The following POP1 variants were observed in gnomAD, a reference collection of about 807,000 sequenced individuals.
The protein encoded by POP1 is POP1 ribonuclease P/MRP subunit.
In POP1, 75 loss-of-function variants were observed where a neutral mutation model predicts 102.2. The ratio of observed to expected loss-of-function variants is 0.73; its 90% CI spans 0.61 to 0.89. POP1 has a LOEUF of 0.89. Ranked by LOEUF, POP1 falls within the 40% of genes least tolerant of loss-of-function variation. POP1 has a pLI of 0.00. For synonymous variants in POP1, 436 were observed against 464.1 expected, an observed-to-expected ratio of 0.94 and a Z score of 0.78; for missense variants, 1,116 against 1,267.4, an observed-to-expected ratio of 0.88 and a Z score of 1.81.
intron 2 of POP1, among the ~76,000 whole-genome samples, chr8:98,123,680 G>A (rs536687569): frequency 1.1e-4 from 16 of 152,132 alleles, no homozygotes; most frequent in Middle Eastern, 3.4e-3. Flanking sequence ...GGGAGGCTGA[G>A]GCAGGAGAAT....
chr8:98,127,361 T>C (rs1428461148), intron 2 of POP1, among the ~76,000 whole-genome samples: 2 of 152,212 alleles, frequency 1.3e-5, no homozygotes, highest in Non-Finnish European at 2.9e-5. Flanking sequence ...AGGTCCTTTA[T>C]ATGTCATCCT....
At chr8:98,128,690 G>C (rs1816286887) in intron 4 of POP1, 150 bp downstream of exon 4, 2 of 905,894 alleles carry the variant, frequency 2.2e-6, no homozygotes, top group Non-Finnish European at 3.4e-6. Context: ...AGGCTGAGGT[G>C]GTCAGATTGC....
intron 9 of POP1, among the ~76,000 whole-genome samples, chr8:98,137,629 A>G (rs1282510202): frequency 1.3e-5 from 2 of 152,180 alleles, no homozygotes; most frequent in Admixed American, 6.5e-5. Context: ...ATCTCTAAAA[A>G]GGTTAAGAGC....
Position 98,123,472 on chromosome 8 carries a change from A to G in POP1, c.135A>G (p.Gln45=), listed in dbSNP as rs747935494. ...HSGGEKPFQA[Q]KQEPHPGTSR... is the part of the protein sequence containing the mutation. Reference sequence around the variant, plus strand: ...GAGGTGAAAAACCTTTCCAAGCTCAAAAACAAGGTAAAATACACATAAGAG... The same window carrying G: ...GAGGTGAAAAACCTTTCCAAGCTCAGAAACAAGGTAAAATACACATAAGAG... The change falls in exon 2 of 16, where the codon CAA becomes CAG. Residue 45 remains glutamine (Q), a synonymous_variant. Coordinates refer to ENST00000401707, the MANE Select transcript of POP1 (RefSeq NM_001145860.2). The G allele has an allele frequency of 1.2e-6, 2 of 1,613,622 alleles. No homozygotes were observed. The highest frequency in any genetic ancestry group is 4.5e-5 in the East Asian group (2 of 44,862).
intron 7 of POP1, 44 bp from the exon 8 acceptor site, chr8:98,136,432 ATATATT>A: frequency 4.5e-6 from 7 of 1,539,058 alleles, no homozygotes; most frequent in Non-Finnish European, 6.1e-6. Flanking sequence ...ATTTGTCGTA[ATATATT>A]TAAATTTCAA....
At chr8:98,125,073 C>G (rs1422501729) in intron 2 of POP1, among the ~76,000 whole-genome samples, 1 of 152,068 alleles carries the variant, frequency 6.6e-6, no homozygotes, top group African/African-American at 2.4e-5. Flanking sequence ...TCATTTAAAC[C>G]TCACAATGTT....
In POP1 at chr8:98,159,247, G is replaced by A. The variant is rs913772738; in HGVS notation, c.*976G>A. Reference sequence around the variant, plus strand: ...TTACAAGGAGCCCTTTGTAGGACCAGTGTTCTTAGTAGCGCGCTTTGGGCA... The same window carrying A: ...TTACAAGGAGCCCTTTGTAGGACCAATGTTCTTAGTAGCGCGCTTTGGGCA... On this transcript the variant is annotated 3_prime_UTR_variant, in exon 16 of 16. Coordinates refer to ENST00000401707, the MANE Select transcript of POP1 (RefSeq NM_001145860.2). 1.3e-5 allele frequency: 2 copies of A among 152,182 alleles called. No individual in the cohort carries two copies. The highest frequency in any genetic ancestry group is 4.8e-5 in the African/African-American group (2 of 41,446). The allele number at this position is 152,182 out of a possible 1,614,324, so 9.4% of individuals were successfully genotyped here. A position where few individuals can be genotyped will look rare whatever the true frequency, so the allele number is the denominator to read the frequency against.
In POP1 at chr8:98,140,862, C is replaced by A. The variant is rs772705947; in HGVS notation, c.1568C>A (p.Ala523Asp). 1 of 1,614,032 alleles carries A rather than the reference C, an allele frequency of 6.2e-7. No homozygotes were observed. Among genetic ancestry groups the A allele is most frequent in the Non-Finnish European group, 8.5e-7 (1 of 1,179,908 alleles). Residue 523 changes from alanine (A) to aspartate (D), a missense_variant, in exon 11 of 16, where the codon GCT becomes GAT. By Grantham distance (126) the Ala-to-Asp change is moderately radical (BLOSUM62 -2). Coordinates refer to ENST00000401707, the MANE Select transcript of POP1 (RefSeq NM_001145860.2). ...AATTTGCCCCAAAAGAAGTCCAAAG[C>A]TTTGCCCAATCCAGAAAAATGCCAA... ...RINLPQKKSK[A>D]LPNPEKCQDN...
intron 14 of POP1, among the ~76,000 whole-genome samples, chr8:98,151,084 G>A (rs192763363): frequency 7.4e-5 from 11 of 148,786 alleles, no homozygotes; most frequent in Non-Finnish European, 1.4e-4. Context: ...GATAAGTACT[G>A]TTTGTTTGTT....
chr8:98,143,096 T>C (rs1401676053), intron 11 of POP1, among the ~76,000 whole-genome samples: 1 of 152,210 alleles, frequency 6.6e-6, no homozygotes, highest in African/African-American at 2.4e-5. Flanking sequence ...GAAAGCAAGC[T>C]CCTCCCTTCA....
At chr8:98,134,752 G>A (rs1174445521) in intron 7 of POP1, 93 bp downstream of exon 7, 9 of 1,343,772 alleles carry the variant, frequency 6.7e-6, no homozygotes, top group Admixed American at 1.7e-5. Flanking sequence ...TAGTGTAAAG[G>A]TTTGTCTGAT....
At chr8:98,127,871 TCTC>T (rs1816257425) in intron 3 of POP1, 109 bp downstream of exon 3, 2 of 1,183,674 alleles carry the variant, frequency 1.7e-6, no homozygotes, top group Non-Finnish European at 2.5e-6. Flanking sequence ...CTACCTCTCC[TCTC>T]CTCCTCCTAC....
intron 1 of POP1, among the ~76,000 whole-genome samples, chr8:98,120,224 G>T (rs1231660482): frequency 1.3e-5 from 2 of 152,220 alleles, no homozygotes; most frequent in Non-Finnish European, 2.9e-5. Flanking sequence ...CAGTTCTGCA[G>T]AACTCCATTT....
intron 7 of POP1, 105 bp from the exon 8 acceptor site, chr8:98,136,377 A>G: frequency 1.5e-6 from 2 of 1,357,552 alleles, no homozygotes; most frequent in Non-Finnish European, 2.0e-6. Context: ...TGCCTGGCCA[A>G]AAATGTTAAT....
In POP1 at chr8:98,136,587, A is replaced by G; in HGVS notation, c.1117A>G (p.Thr373Ala). 2 of 1,614,150 alleles carry G rather than the reference A, an allele frequency of 1.2e-6. No individual in the cohort carries two copies. The highest frequency in any genetic ancestry group is 1.7e-6 in the Non-Finnish European group (2 of 1,180,024). The change falls in exon 8 of 16, where the codon ACT (threonine) becomes GCT (alanine). Residue 373 changes from threonine to alanine, a missense_variant. Physicochemically the swap from Thr to Ala is moderately conservative, Grantham distance 58 (BLOSUM62 0). Transcript: ENST00000401707. Reference protein sequence around the residue: ...LPTPSQEKSQTELPDEKIGKK... With the variant: ...LPTPSQEKSQAELPDEKIGKK... ...AACACCATCCCAAGAAAAAAGCCAA[A>G]CTGAATTGCCTGACGAGAAAATTGG...
At chr8:98,140,264 C>T in intron 10 of POP1, 75 bp downstream of exon 10, 1 of 1,136,392 alleles carries the variant, frequency 8.8e-7, no homozygotes, top group Non-Finnish European at 1.3e-6. Flanking sequence ...GGGCCTCCAA[C>T]ATGTAGTATT....
chr8:98,121,881 T>G (rs12546976), intron 1 of POP1, among the ~76,000 whole-genome samples: 45,774 of 151,686 alleles, frequency 0.3, 7,783 homozygotes, highest in South Asian at 0.4. Flanking sequence ...GAGACGGGGT[T>G]TCACTGTGTT....
At chr8:98,135,399 G>C (rs574199683) in intron 7 of POP1, among the ~76,000 whole-genome samples, 1 of 152,220 alleles carries the variant, frequency 6.6e-6, no homozygotes, top group South Asian at 2.1e-4. Flanking sequence ...TTTCTACCAT[G>C]ACTGAAGTGG....
intron 11 of POP1, among the ~76,000 whole-genome samples, chr8:98,143,594 C>T (rs1430902464): frequency 6.6e-6 from 1 of 152,128 alleles, no homozygotes; most frequent in Non-Finnish European, 1.5e-5. Flanking sequence ...TTAAGGTCCA[C>T]TCTTGGTGGT....
Sources: allele counts gnomAD v4.1 joint callset (sites outside exome capture counted in the v4.1 genomes callset), GRCh38; gene constraint gnomAD v4.1.1; transcripts MANE v1.5; gene names NCBI Gene and HGNC (gene_info 2026-07-23, HGNC 2026-07-21).